DTNB: variants seen among roughly 807,000 people sequenced by gnomAD.
DTNB encodes the protein dystrobrevin beta.
DTNB carries 63 observed loss-of-function variants against 90.7 expected under a neutral mutation model. That is an observed-to-expected ratio of 0.69 (90% CI 0.57 to 0.86). The LOEUF (loss-of-function observed/expected upper bound fraction) is 0.86. DTNB is among the 40% of genes least tolerant of loss of function. The pLI is 0.00. For synonymous variants in DTNB, 277 were observed against 286.7 expected, an observed-to-expected ratio of 0.97 and a Z score of 0.34; for missense variants, 744 against 807.1, an observed-to-expected ratio of 0.92 and a Z score of 0.95.
At chr2:25,496,695 T>C (rs2068928190) in intron 9 of DTNB, among the ~76,000 whole-genome samples, 3 of 151,950 alleles carry the variant, frequency 2.0e-5, no homozygotes, top group Admixed American at 1.3e-4. Flanking sequence ...ATACAAAAAT[T>C]AGCCAGGCAT....
At chr2:25,633,214 G>T (rs1295215079) in intron 3 of DTNB, among the ~76,000 whole-genome samples, 1 of 151,980 alleles carries the variant, frequency 6.6e-6, no homozygotes, top group African/African-American at 2.4e-5. Flanking sequence ...CTGATGCCGA[G>T]CCGAAGCTGG....
At chr2:25,567,573 T>C (rs2059226617) in intron 8 of DTNB, among the ~76,000 whole-genome samples, 1 of 152,186 alleles carries the variant, frequency 6.6e-6, no homozygotes, top group Non-Finnish European at 1.5e-5. Flanking sequence ...AAGAACACAA[T>C]AAGTAACTTT....
At chr2:25,382,728 C>G (rs1487727537) in intron 19 of DTNB, among the ~76,000 whole-genome samples, 1 of 151,876 alleles carries the variant, frequency 6.6e-6, no homozygotes, top group Non-Finnish European at 1.5e-5. Flanking sequence ...AGGGTTTCAC[C>G]ATGTTGGCCA....
intron 9 of DTNB, among the ~76,000 whole-genome samples, chr2:25,496,042 C>T (rs1255965521): frequency 6.6e-6 from 1 of 152,168 alleles, no homozygotes; most frequent in Non-Finnish European, 1.5e-5. Flanking sequence ...CTTACACTTT[C>T]ACCACTAGAT....
chr2:25,381,199 G>A (rs143493796), intron 19 of DTNB, among the ~76,000 whole-genome samples: 3 of 151,766 alleles, frequency 2.0e-5, no homozygotes, highest in East Asian at 1.9e-4. Flanking sequence ...GCATGTGCAT[G>A]TGCGTGTGCG....
At chr2:25,493,696 T>C (rs1032627923) in intron 9 of DTNB, among the ~76,000 whole-genome samples, 1 of 152,302 alleles carries the variant, frequency 6.6e-6, no homozygotes, top group South Asian at 2.1e-4. Flanking sequence ...AAATAAACAT[T>C]GGCCATAGTA....
chr2:25,502,993 G>A (rs1319747738), intron 9 of DTNB, among the ~76,000 whole-genome samples: 1 of 136,944 alleles, frequency 7.3e-6, no homozygotes, highest in African/African-American at 2.7e-5. Context: ...GGGCAAGGCT[G>A]CAGTGAGCCA....
chr2:25,405,960 G>C (rs936744384), intron 16 of DTNB, among the ~76,000 whole-genome samples: 2 of 152,098 alleles, frequency 1.3e-5, no homozygotes, highest in Admixed American at 6.6e-5. Context: ...GCTGGAATGG[G>C]GTATAGGAAT....
chr2:25,392,631 C>A (rs536415405), intron 16 of DTNB, among the ~76,000 whole-genome samples: 1 of 152,190 alleles, frequency 6.6e-6, no homozygotes, highest in South Asian at 2.1e-4. Flanking sequence ...CATGCATAAA[C>A]TAGAAAACCT....
At chr2:25,529,687 T>C (rs188340586) in intron 9 of DTNB, among the ~76,000 whole-genome samples, 15 of 152,130 alleles carry the variant, frequency 9.9e-5, no homozygotes, top group African/African-American at 3.6e-4. Context: ...TAATCAATGG[T>C]AGGTAAGAAA....
intron 10 of DTNB, among the ~76,000 whole-genome samples, chr2:25,457,762 C>T (rs546777218): frequency 2.8e-4 from 42 of 152,260 alleles, no homozygotes; most frequent in African/African-American, 9.4e-4. Context: ...TTTCCATTTA[C>T]AAAATACTGT....
intron 16 of DTNB, among the ~76,000 whole-genome samples, chr2:25,398,127 G>T (rs1558345612): frequency 6.6e-6 from 1 of 152,196 alleles, no homozygotes; most frequent in South Asian, 2.1e-4. Flanking sequence ...TGATGATGGG[G>T]GATGAGACAA....
At chr2:25,509,044 C>G (rs1172662343) in intron 9 of DTNB, among the ~76,000 whole-genome samples, 1 of 152,076 alleles carries the variant, frequency 6.6e-6, no homozygotes, top group African/African-American at 2.4e-5. Context: ...TTTGTTAGTT[C>G]TAGTACTTTG....
At chr2:25,429,618 T>C (rs1196228611) in intron 14 of DTNB, among the ~76,000 whole-genome samples, 2 of 152,212 alleles carry the variant, frequency 1.3e-5, no homozygotes, top group African/African-American at 4.8e-5. Flanking sequence ...ACTGCTGCCA[T>C]TCCTACCATG....
chr2:25,571,813 G>C lies in DTNB; in HGVS notation c.876+5025C>G, dbSNP rs59427907. Among the ~76,000 whole-genome samples the C allele has an allele frequency of 6.5e-3, 988 of 152,164 alleles. 12 individuals carry two copies. Among genetic ancestry groups the C allele is most frequent in the African/African-American group, 0.023 (939 of 41,508 alleles). ...TTTGGTCAATGTATATCGGCAGTGGGGGGTAAAGACAGAGGCACACCTGCT... is the reference window on the plus strand; with the variant it reads ...TTTGGTCAATGTATATCGGCAGTGGCGGGTAAAGACAGAGGCACACCTGCT... On this transcript the variant is annotated intron_variant, in intron 8 of 20. Transcript: ENST00000406818.
At chr2:25,645,720 C>T (rs1355379731) in intron 2 of DTNB, among the ~76,000 whole-genome samples, 2 of 152,050 alleles carry the variant, frequency 1.3e-5, no homozygotes, top group East Asian at 3.9e-4. Flanking sequence ...GAATTACAGG[C>T]ATGAGCCACT....
rs138183479 is a variant in DTNB at position 25,405,978 on chromosome 2, G to A, written c.1575+13537C>T. On this transcript the variant is annotated intron_variant, in intron 16 of 20. Transcript: ENST00000406818. ...GGAATGGGGTATAGGAATAGAAAGA[G>A]GGAGAGCAACTTTTGGGAGAAAAAA... Among the ~76,000 whole-genome samples the A allele has an allele frequency of 4.2e-3, 641 of 152,262 alleles. 2 individuals carry two copies. The highest frequency in any genetic ancestry group is 5.7e-3 in the Non-Finnish European group (387 of 68,026).
chr2:25,634,022 C>T (rs1326859546), intron 3 of DTNB, among the ~76,000 whole-genome samples: 1 of 151,922 alleles, frequency 6.6e-6, no homozygotes, highest in African/African-American at 2.4e-5. Context: ...CCGGCAGCCA[C>T]CCCGTCTGGG....
chr2:25,569,040 C>A (rs1054486532), intron 8 of DTNB, among the ~76,000 whole-genome samples: 9 of 152,216 alleles, frequency 5.9e-5, no homozygotes, highest in African/African-American at 1.9e-4. Flanking sequence ...ATTAAGAGAA[C>A]ACACATAGGT....
Sources: allele counts gnomAD v4.1 joint callset (sites outside exome capture counted in the v4.1 genomes callset), GRCh38; gene constraint gnomAD v4.1.1; transcripts MANE v1.5; gene names NCBI Gene and HGNC (gene_info 2026-07-23, HGNC 2026-07-21).